The following COL6A2 variants were observed in gnomAD, a reference collection of about 807,000 sequenced individuals.
COL6A2 encodes the protein collagen type VI alpha 2 chain.
Under a neutral mutation model 124.9 loss-of-function variants are expected in COL6A2, and 90 were observed. That is an observed-to-expected ratio of 0.72 (90% CI 0.61 to 0.86). The LOEUF is 0.86. COL6A2 is among the 40% of genes least tolerant of loss of function. The pLI, the probability that COL6A2 is intolerant of heterozygous loss-of-function variation, is 0.00. For synonymous variants in COL6A2, 793 were observed against 618.2 expected (o/e 1.28, Z -4.19); for missense variants, 1,607 against 1,502.5 (o/e 1.07, Z -1.15).
At chr21:46,124,522 T>C in intron 21 of COL6A2, 129 bp from the exon 22 acceptor site, 5 of 793,492 alleles carry the variant, frequency 6.3e-6, no homozygotes, top group Non-Finnish European at 1.1e-5. Flanking sequence ...CTTGTCTTAC[T>C]CCTTGCACCT....
chr21:46,116,255 T>C lies in COL6A2; in HGVS notation c.901-122T>C. The C allele has an allele frequency of 1.6e-6, 2 of 1,269,910 alleles. No homozygotes were observed. The highest frequency in any genetic ancestry group is 1.9e-5 in the Admixed American group (1 of 52,388). The allele number at this position is 1,269,910 out of a possible 1,614,324, so 78.7% of individuals were successfully genotyped here. Reference sequence around the variant, plus strand: ...GGCTCAGCCTCCTCCGCAGACTGTTTGTCGAGAACACTAGATGCCAGCGGC... The same window carrying C: ...GGCTCAGCCTCCTCCGCAGACTGTTCGTCGAGAACACTAGATGCCAGCGGC... On this transcript the variant is annotated intron_variant, in intron 7 of 27. Coordinates refer to ENST00000300527, the MANE Select transcript of COL6A2 (RefSeq NM_001849.4). The surrounding 1 kb of genome is among the most constrained non-coding windows in gnomAD (Gnocchi z 4.6).
intron 4 of COL6A2, 73 bp downstream of exon 4, chr21:46,112,897 G>A (rs141465660): frequency 1.2e-3 from 1,864 of 1,592,122 alleles, no homozygotes; most frequent in Non-Finnish European, 1.4e-3. Context: ...CCAGGCTGCC[G>A]ACTCCTGGCG....
Position 46,132,518 on chromosome 21 carries a change from GCTT to G in COL6A2, c.3031_3033del (p.Phe1011del), listed in dbSNP as rs766702836. On this transcript the variant is annotated inframe_deletion, in exon 28 of 28. Coordinates refer to ENST00000300527, the MANE Select transcript of COL6A2 (RefSeq NM_001849.4). The stretch of plus-strand genomic sequence containing the variant: ...GACTATGACAGCCTGGCGCAACCCG[GCTT>G]CTTCGACCGCTTCATCCGCTGGATC... 42 of 1,606,240 alleles carry G rather than the reference GCTT, an allele frequency of 2.6e-5. No individual in the cohort carries two copies. The highest frequency in any genetic ancestry group is 3.2e-5 in the Non-Finnish European group (38 of 1,179,434).
chr21:46,129,710 C>T, intron 27 of COL6A2: 1 of 1,411,494 alleles, frequency 7.1e-7, no homozygotes, highest in Non-Finnish European at 9.2e-7. Flanking sequence ...TCTCCTCCGT[C>T]TTCCTGTGGC....
At chr21:46,128,942 G>T in intron 27 of COL6A2, 1 of 1,611,574 alleles carries the variant, frequency 6.2e-7, no homozygotes, top group Non-Finnish European at 8.5e-7. Context: ...GTTTTCTCGG[G>T]GTCCGTGGTG....
chr21:46,123,912 TG>T (rs1319512845), intron 21 of COL6A2, among the ~76,000 whole-genome samples: 2 of 136,854 alleles, frequency 1.5e-5, no homozygotes, highest in Non-Finnish European at 3.3e-5. Context: ...GATGGGTGGG[TG>T]GATAGAGGAT....
chr21:46,113,691 G>T (rs2078434674), intron 4 of COL6A2: 1 of 449,642 alleles, frequency 2.2e-6, no homozygotes, highest in Non-Finnish European at 4.1e-6. Flanking sequence ...CTACCAAAAT[G>T]TTGGGATTCC....
rs200878857 is a variant in COL6A2, at chr21:46,120,122, G to A, written c.1332+272G>A. 0.022 allele frequency among the ~76,000 whole-genome samples: 345 copies of A among 16,032 alleles called. 5 individuals carry two copies. The highest frequency in any genetic ancestry group is 0.031 in the East Asian group (15 of 490). 10.5% of individuals were successfully genotyped at this position (16,032 alleles called of 152,430 possible). A position where few individuals can be genotyped will look rare whatever the true frequency, so the allele number is the denominator to read the frequency against. On this transcript the variant is annotated intron_variant, in intron 15 of 27. Coordinates refer to ENST00000300527, the MANE Select transcript of COL6A2 (RefSeq NM_001849.4). The stretch of plus-strand genomic sequence containing the variant: ...CACTGAGGCACCACTCACACCCCCC[G>A]GCCCCCACTGAGGCACCTCTTACCC...
chr21:46,117,417 C>T lies in COL6A2; in HGVS notation c.1017C>T (p.Ile339=), dbSNP rs766157503. 101 of 1,612,688 alleles carry T rather than the reference C, an allele frequency of 6.3e-5. No individual in the cohort carries two copies. Among genetic ancestry groups the T allele is most frequent in the South Asian group, 8.8e-5 (8 of 91,082 alleles). ...TCCTTCAGGGCAAGCTGGGGCGCATCGGACCTCCTGGCTGCAAGGGAGACC... is the reference window on the plus strand; with the variant it reads ...TCCTTCAGGGCAAGCTGGGGCGCATTGGACCTCCTGGCTGCAAGGGAGACC... ...TDGQKGKLGR[I]GPPGCKGDPG... is the part of the protein sequence containing the mutation. The change falls in exon 11 of 28, where the codon ATC becomes ATT. Residue 339 remains isoleucine (I), a synonymous_variant. Transcript: ENST00000300527.
chr21:46,117,486 G>A (rs567399970), intron 11 of COL6A2, 33 bp downstream of exon 11: 82 of 1,608,748 alleles, frequency 5.1e-5, no homozygotes, highest in African/African-American at 1.1e-4. Flanking sequence ...CTTCAGCCTC[G>A]GCCCAGGGGG....
intron 27 of COL6A2, chr21:46,128,881 G>C (rs748550456): frequency 4.4e-6 from 7 of 1,602,486 alleles, no homozygotes; most frequent in African/African-American, 1.3e-5. Flanking sequence ...CCCTACTGGA[G>C]TTTGGCCTGT....
chr21:46,125,660 CG>C (rs1418835372), intron 25 of COL6A2, 43 bp downstream of exon 25: 3 of 1,495,076 alleles, frequency 2.0e-6, no homozygotes, highest in Non-Finnish European at 2.8e-6. Flanking sequence ...GGGGGCCGGG[CG>C]GGGCGTGGGA....
In COL6A2 at chr21:46,132,596, C is replaced by G; in HGVS notation, c.*44C>G. On this transcript the variant is annotated 3_prime_UTR_variant, in exon 28 of 28. Coordinates refer to ENST00000300527, the MANE Select transcript of COL6A2 (RefSeq NM_001849.4). ...GCAGTCGAGGGTCGTGAGCCCACCC[C>G]GTCCATGGTGCTAAGCGGGCCCGGG... 6.5e-7 allele frequency: 1 copy of G among 1,537,332 alleles called. No individual in the cohort carries two copies. Among genetic ancestry groups the G allele is most frequent in the Non-Finnish European group, 8.8e-7 (1 of 1,140,318 alleles).
chr21:46,110,648 C>T (rs1005449434), intron 1 of COL6A2, among the ~76,000 whole-genome samples: 1 of 152,196 alleles, frequency 6.6e-6, no homozygotes, highest in Non-Finnish European at 1.5e-5. Context: ...ACACTCCTCC[C>T]ATCTGCACCG....
Position 46,116,000 on chromosome 21 carries a change from C to T in COL6A2, c.856-9C>T, listed in dbSNP as rs376324465. 5.0e-6 allele frequency: 8 copies of T among 1,611,400 alleles called. No homozygotes were observed. The African/African-American group carries it at 1.1e-4, about 22-fold the overall frequency. On this transcript the variant is annotated splice_polypyrimidine_tract_variant and intron_variant, in intron 6 of 27. Transcript: ENST00000300527. ...GGCTGGGCTCACACTGCTGCGTTGT[C>T]CTTCACAGGGAGACCCGGGCATCGA... is the stretch of plus-strand genomic sequence containing the variant.
rs143819480 is a variant in COL6A2 at position 46,125,568 on chromosome 21, C to T, written c.1920C>T (p.Asn640=). 41 of 1,610,382 alleles carry T rather than the reference C, an allele frequency of 2.5e-5. No homozygotes were observed. The highest frequency in any genetic ancestry group is 6.7e-5 in the East Asian group (3 of 44,540). Reference sequence around the variant, plus strand: ...CACTGGAGAAGAACTTCGTCATCAACGTGGTCAACAGGCTGGGTGCCATCG... The same window carrying T: ...CACTGGAGAAGAACTTCGTCATCAATGTGGTCAACAGGCTGGGTGCCATCG... The part of the protein sequence containing the change: ...NFTLEKNFVI[N]VVNRLGAIAK... The change falls in exon 25 of 28, where the codon AAC becomes AAT. Residue 640 remains asparagine, a synonymous_variant. Coordinates refer to ENST00000300527, the MANE Select transcript of COL6A2 (RefSeq NM_001849.4).
chr21:46,127,726 T>TG (rs34767029), intron 27 of COL6A2, among the ~76,000 whole-genome samples: 45 of 151,940 alleles, frequency 3.0e-4, no homozygotes, highest in African/African-American at 9.7e-4. Context: ...TGCTATCAGG[T>TG]GGGGGGCCTT....
chr21:46,128,851 C>T (rs562258422), intron 27 of COL6A2: 59 of 1,496,090 alleles, frequency 3.9e-5, no homozygotes, highest in African/African-American at 6.9e-5. Flanking sequence ...TTCCTGGCGA[C>T]GGGCCTGCGG....
intron 4 of COL6A2, chr21:46,113,685 C>G: frequency 2.3e-6 from 1 of 442,486 alleles, no homozygotes; most frequent in South Asian, 2.1e-5. Context: ...CTCGGCCTAC[C>G]AAAATGTTGG....
Sources: gnomAD v4.1 joint callset for allele counts (sites outside exome capture counted in the v4.1 genomes callset) on GRCh38, gnomAD v4.1.1 for gene constraint, Gnocchi (gnomAD v3.1) non-coding constraint, MANE v1.5 for transcripts, NCBI Gene and HGNC (gene_info 2026-07-23, HGNC 2026-07-21) for gene names.